Variants in RBM33 observed in about 807,000 individuals in gnomAD.
The protein encoded by RBM33 is RNA-binding protein 33.
RBM33 carries 28 observed loss-of-function variants against 132.6 expected under a neutral mutation model. The observed-to-expected ratio is 0.21, with a 90% confidence interval of 0.16 to 0.29. The LOEUF (loss-of-function observed/expected upper bound fraction) is 0.29. Among genes scored for constraint, RBM33 ranks in the 10% least tolerant of loss-of-function variants. The pLI is 1.00. For synonymous variants in RBM33, 634 were observed against 593.0 expected (o/e 1.07, Z -1.01); for missense variants, 1,291 against 1,518.5 (o/e 0.85, Z 2.49).
At chr7:155,673,800 A>ACACG (rs369078260) in intron 3 of RBM33, among the ~76,000 whole-genome samples, 1 of 141,858 alleles carries the variant, frequency 7.0e-6, no homozygotes, top group South Asian at 2.1e-4. Flanking sequence ...ACACACACAC[A>ACACG]CCCCTACCAG....
chr7:155,694,490 T>A (rs1021946770), intron 5 of RBM33, among the ~76,000 whole-genome samples: 1 of 152,230 alleles, frequency 6.6e-6, no homozygotes, highest in African/African-American at 2.4e-5. Flanking sequence ...TAAGCATAGA[T>A]GTAAAGTGTA....
At chr7:155,645,665 TG>T (rs1798165999) in intron 1 of RBM33, among the ~76,000 whole-genome samples, 1 of 152,344 alleles carries the variant, frequency 6.6e-6, no homozygotes, top group Admixed American at 6.5e-5. Flanking sequence ...TACATATCAC[TG>T]GGGGTTTTAA....
chr7:155,669,759 T>C (rs895394028), intron 2 of RBM33, among the ~76,000 whole-genome samples: 1 of 152,172 alleles, frequency 6.6e-6, no homozygotes, highest in East Asian at 1.9e-4. Flanking sequence ...TGCCCCGGCC[T>C]TGTGGGAAGT....
intron 7 of RBM33, among the ~76,000 whole-genome samples, chr7:155,708,412 C>T (rs935548049): frequency 6.6e-6 from 1 of 152,184 alleles, no homozygotes; most frequent in Non-Finnish European, 1.5e-5. Context: ...TTATTTTGGC[C>T]TCTTTCGGGG....
At chr7:155,673,436 G>A (rs953719441) in intron 3 of RBM33, among the ~76,000 whole-genome samples, 19 of 98,452 alleles carry the variant, frequency 1.9e-4, no homozygotes, top group East Asian at 6.5e-4. Flanking sequence ...GTGTGTGTGT[G>A]TGTGTATGTG....
At chr7:155,759,018 T>TGA (rs60680912) in intron 14 of RBM33, among the ~76,000 whole-genome samples, 3,755 of 152,258 alleles carry the variant, frequency 0.025, 140 homozygotes, top group African/African-American at 0.085. Context: ...CACTAGGAGG[T>TGA]GAGGTCTCTG....
chr7:155,688,307 G>A, intron 5 of RBM33, among the ~76,000 whole-genome samples: 1 of 152,158 alleles, frequency 6.6e-6, no homozygotes, highest in East Asian at 1.9e-4. Flanking sequence ...GAATGCTCGT[G>A]ATTTTTGCAC....
At chr7:155,752,631 C>T (rs186387907) in intron 14 of RBM33, among the ~76,000 whole-genome samples, 3 of 152,290 alleles carry the variant, frequency 2.0e-5, no homozygotes, top group East Asian at 1.9e-4. Context: ...TGGGCAGAAA[C>T]GTGCATCACA....
At chr7:155,665,317 C>T (rs955824651) in intron 2 of RBM33, 64 bp downstream of exon 2, 4 of 1,439,968 alleles carry the variant, frequency 2.8e-6, no homozygotes, top group African/African-American at 1.4e-5. Flanking sequence ...ACACTTGGCT[C>T]CTGAGGGATC....
intron 1 of RBM33, among the ~76,000 whole-genome samples, chr7:155,657,468 A>G (rs1798523620): frequency 6.6e-6 from 1 of 152,194 alleles, no homozygotes; most frequent in East Asian, 1.9e-4. Context: ...TGGCAAAAAG[A>G]TGTTCTGGTT....
intron 7 of RBM33, among the ~76,000 whole-genome samples, chr7:155,710,741 C>T (rs569122903): frequency 2.0e-5 from 3 of 152,076 alleles, no homozygotes; most frequent in Admixed American, 2.0e-4. Context: ...CTGTCCTGTT[C>T]TCAGGCCTCA....
intron 8 of RBM33, among the ~76,000 whole-genome samples, chr7:155,713,369 T>A (rs1800362265): frequency 6.6e-6 from 1 of 151,856 alleles, no homozygotes; most frequent in Non-Finnish European, 1.5e-5. Flanking sequence ...AGGGAGTCTG[T>A]GTGTGGGGAG....
chr7:155,751,423 A>G (rs1294430007), intron 14 of RBM33, among the ~76,000 whole-genome samples: 1 of 152,232 alleles, frequency 6.6e-6, no homozygotes, highest in Non-Finnish European at 1.5e-5. Flanking sequence ...TCCATAGTAC[A>G]TATTCAGATT....
intron 9 of RBM33, among the ~76,000 whole-genome samples, chr7:155,719,115 T>A (rs1351483307): frequency 6.6e-6 from 1 of 152,230 alleles, no homozygotes; most frequent in South Asian, 2.1e-4. Context: ...ATACACTTTA[T>A]TTTATTTGAA....
At chr7:155,689,265 TG>T (rs1290605380) in intron 5 of RBM33, among the ~76,000 whole-genome samples, 1 of 152,194 alleles carries the variant, frequency 6.6e-6, no homozygotes, top group Admixed American at 6.5e-5. Context: ...TGCGTAGAGG[TG>T]TTTATAGTAT....
At chr7:155,773,207 T>C (rs1802487665) in intron 16 of RBM33, among the ~76,000 whole-genome samples, 1 of 152,192 alleles carries the variant, frequency 6.6e-6, no homozygotes, top group South Asian at 2.1e-4. Context: ...GCCTGCTGAA[T>C]GCAGTCCTTC....
intron 1 of RBM33, among the ~76,000 whole-genome samples, chr7:155,648,714 C>G (rs1324481313): frequency 6.6e-6 from 1 of 152,024 alleles, no homozygotes; most frequent in East Asian, 1.9e-4. Context: ...TAGCCTTTCT[C>G]ATTTCAGCCA....
At chr7:155,732,183 G>T (rs189640537) in intron 9 of RBM33, among the ~76,000 whole-genome samples, 1 of 152,180 alleles carries the variant, frequency 6.6e-6, no homozygotes, top group Admixed American at 6.5e-5. Flanking sequence ...GGAGAGAGTG[G>T]CAGTGTGTAA....
intron 9 of RBM33, among the ~76,000 whole-genome samples, chr7:155,721,407 G>C (rs1005636680): frequency 4.6e-5 from 7 of 152,144 alleles, no homozygotes; most frequent in African/African-American, 1.7e-4. Flanking sequence ...GGGGGGGTGT[G>C]CTTTTTAATT....
Sources: allele counts gnomAD v4.1 joint callset (sites outside exome capture counted in the v4.1 genomes callset), GRCh38; gene constraint gnomAD v4.1.1; transcripts MANE v1.5; gene names NCBI Gene and HGNC (gene_info 2026-07-23, HGNC 2026-07-21).